Variants in WDR20 observed in about 807,000 individuals in gnomAD.
WDR20 encodes WD repeat-containing protein 20.
A neutral mutation model predicts 38.7 loss-of-function variants in WDR20; 3 were observed. The observed-to-expected ratio is 0.08, with a 90% confidence interval of 0.04 to 0.20. WDR20 has a LOEUF of 0.20. Ranked by LOEUF, WDR20 falls within the 10% of genes least tolerant of loss-of-function variation. The pLI is 1.00. For missense variants in WDR20, 559 were observed against 727.7 expected (o/e 0.77, Z 2.67); for synonymous variants, 298 against 285.6 (o/e 1.04, Z -0.44).
chr14:102,213,589 A>G, downstream of WDR20: 30 of 985,406 alleles, frequency 3.0e-5, no homozygotes, highest in Non-Finnish European at 3.4e-5. Flanking sequence ...AGGGGCAAGG[A>G]CACCGTCCGG....
downstream of WDR20, among the ~76,000 whole-genome samples, chr14:102,215,581 C>T (rs149012567): frequency 1.9e-3 from 293 of 152,282 alleles, 1 homozygote; most frequent in African/African-American, 6.1e-3. Context: ...TTTTAAGCCC[C>T]GCATGCATTA....
chr14:102,192,139 A>C (rs1231553938), intron 1 of WDR20, among the ~76,000 whole-genome samples: 1 of 152,152 alleles, frequency 6.6e-6, no homozygotes, highest in Non-Finnish European at 1.5e-5. Flanking sequence ...TTGTTAAGCA[A>C]ATTAGTAGAA....
intron 2 of WDR20, among the ~76,000 whole-genome samples, chr14:102,202,375 T>G (rs1229959936): frequency 3.9e-4 from 45 of 116,596 alleles, no homozygotes; most frequent in Non-Finnish European, 6.8e-4. Flanking sequence ...TATGGAGGTT[T>G]TTTTTTTTTT....
At chr14:102,218,737 G>A (rs904314337), downstream of WDR20, among the ~76,000 whole-genome samples, 1 of 152,080 alleles carries the variant, frequency 6.6e-6, no homozygotes, top group Admixed American at 6.5e-5. Flanking sequence ...TTAGAGCCAA[G>A]GCTTGCCCCG....
upstream of WDR20, chr14:102,139,606 G>A (rs1289828429): frequency 1.6e-5 from 11 of 666,800 alleles, no homozygotes; most frequent in Non-Finnish European, 2.5e-5. Context: ...GGCCCTGGCG[G>A]CTGCGGAACG....
intron 1 of WDR20, among the ~76,000 whole-genome samples, chr14:102,177,239 A>G (rs556234419): frequency 2.9e-4 from 44 of 152,136 alleles, no homozygotes; most frequent in Non-Finnish European, 5.4e-4. Flanking sequence ...TTGTTTATCT[A>G]TTTGTCTCAC....
chr14:102,214,200 A>G (rs2062922229), downstream of WDR20: 1 of 985,586 alleles, frequency 1.0e-6, no homozygotes, highest in Non-Finnish European at 1.2e-6. Context: ...CTGGGTGACA[A>G]AGGTGAAGGT....
At chr14:102,193,129 T>G (rs1270447751) in intron 1 of WDR20, among the ~76,000 whole-genome samples, 1 of 150,926 alleles carries the variant, frequency 6.6e-6, no homozygotes, top group Non-Finnish European at 1.5e-5. Context: ...TGTAGGTTTT[T>G]TTTTTGTTTT....
Position 102,140,260 on chromosome 14 carries a change from AGG to A in WDR20, c.249+91_249+92del. Reference sequence around the variant, plus strand: ...TGACAGTGGGGCCAGGGTGACCGAGAGGGGTGGCCGTCGCTCTTACTTTTGAG... The same window carrying A: ...TGACAGTGGGGCCAGGGTGACCGAGAGGTGGCCGTCGCTCTTACTTTTGAG... On this transcript the variant is annotated intron_variant, in intron 1 of 2. Coordinates refer to ENST00000342702, the MANE Select transcript of WDR20 (RefSeq NM_144574.4). 1.9e-6 allele frequency: 3 copies of A among 1,556,872 alleles called. No homozygotes were observed. The South Asian group carries it at 3.4e-5, about 18-fold the overall frequency.
chr14:102,193,598 C>A, intron 1 of WDR20: 1 of 1,352,744 alleles, frequency 7.4e-7, no homozygotes, highest in South Asian at 1.4e-5. Context: ...CCGCTCAGGT[C>A]CAGACTTCTA....
Position 102,209,785 on chromosome 14 carries a change from C to G in WDR20, c.1615C>G (p.Leu539Val). 6.2e-7 allele frequency: 1 copy of G among 1,614,016 alleles called. No homozygotes were observed. Among genetic ancestry groups the G allele is most frequent in the Non-Finnish European group, 8.5e-7 (1 of 1,180,048 alleles). The change falls in exon 3 of 3, where the codon CTA becomes GTA. Residue 539 changes from leucine (L) to valine (V), a missense_variant. By Grantham distance (32) the Leu-to-Val change is conservative (BLOSUM62 1). Transcript: ENST00000342702. This position sits in a 1 kb window ranked among gnomAD's most constrained non-coding sequence, Gnocchi z 6.0. ...KKIAHERLTV[L>V]IFLEDCIVTA... is the part of the protein sequence containing the mutation. ...GATAGCACATGAGAGACTGACTGTA[C>G]TAATATTTCTTGAAGACTGTATAGT...
At chr14:102,205,976 G>T (rs1596942126) in intron 2 of WDR20, among the ~76,000 whole-genome samples, 6 of 151,072 alleles carry the variant, frequency 4.0e-5, no homozygotes, top group Admixed American at 2.6e-4. Context: ...TCAGTGCACT[G>T]TTTTTTTTTG....
At chr14:102,145,572 C>T (rs545626777) in intron 1 of WDR20, among the ~76,000 whole-genome samples, 11 of 152,140 alleles carry the variant, frequency 7.2e-5, no homozygotes, top group South Asian at 6.2e-4. Context: ...AGTGAAACCT[C>T]GTGTGGGTTC....
chr14:102,210,647 T>TG (rs1179187684), downstream of WDR20: 1 of 573,836 alleles, frequency 1.7e-6, no homozygotes, highest in African/African-American at 2.0e-5. Context: ...AAGTGCCTCT[T>TG]GCCACATAAG....
At chr14:102,214,115 C>T (rs1011559217), downstream of WDR20, 83 of 985,454 alleles carry the variant, frequency 8.4e-5, no homozygotes, top group East Asian at 1.1e-4. Context: ...GCTGAGGTTT[C>T]GTTCCTTAGC....
rs923842132 is a variant in WDR20, at chr14:102,210,128, G to A, written c.*248G>A. 2 of 1,229,696 alleles carry A rather than the reference G, an allele frequency of 1.6e-6. No individual in the cohort carries two copies. Among genetic ancestry groups the A allele is most frequent in the African/African-American group, 1.5e-5 (1 of 64,638 alleles). 76.2% of individuals were successfully genotyped at this position (1,229,696 alleles called of 1,614,324 possible). A position where few individuals can be genotyped will look rare whatever the true frequency, so the allele number is the denominator to read the frequency against. On this transcript the variant is annotated 3_prime_UTR_variant, in exon 3 of 3. Coordinates refer to ENST00000342702, the MANE Select transcript of WDR20 (RefSeq NM_144574.4). ...AGTCATCCTCCTGGGAGTATATAGA[G>A]TCCCAAGGTTAGCGCTCCTGTATTA...
intron 1 of WDR20, among the ~76,000 whole-genome samples, chr14:102,177,436 T>A (rs959107293): frequency 6.6e-6 from 1 of 152,130 alleles, no homozygotes; most frequent in Admixed American, 6.5e-5. Flanking sequence ...TGACACTGGG[T>A]TTTTGAGAAA....
chr14:102,200,467 T>TTTTTG (rs748066838), intron 2 of WDR20, among the ~76,000 whole-genome samples: 1 of 117,688 alleles, frequency 8.5e-6, no homozygotes, highest in Non-Finnish European at 1.8e-5. Context: ...ATTTTTTTTT[T>TTTTTG]TGTGTGTGTG....
rs113637000 is a variant in WDR20, at chr14:102,222,936, C to A, written c.*53C>A. On this transcript the variant is annotated 3_prime_UTR_variant, in exon 4 of 4. Coordinates refer to the WDR20 transcript ENST00000335263. This position sits in a 1 kb window ranked among gnomAD's most constrained non-coding sequence, Gnocchi z 4.4. ...CCGGGACTTGGACTCGAGGGAGTGA[C>A]GAGGAGGAGCTCCGAGCTGCGCCTG... The A allele has an allele frequency of 6.2e-7, 1 of 1,607,140 alleles. No individual in the cohort carries two copies. The highest frequency in any genetic ancestry group is 8.5e-7 in the Non-Finnish European group (1 of 1,174,696).
Sources: allele counts gnomAD v4.1 joint callset (sites outside exome capture counted in the v4.1 genomes callset), GRCh38; gene constraint gnomAD v4.1.1; non-coding constraint Gnocchi (gnomAD v3.1); transcripts MANE v1.5; gene names NCBI Gene and HGNC (gene_info 2026-07-23, HGNC 2026-07-21).